CASK: variants seen among roughly 807,000 people sequenced by gnomAD.
CASK encodes the protein calcium/calmodulin dependent serine protein kinase, also known as peripheral plasma membrane protein CASK.
Under a neutral mutation model 82.9 loss-of-function variants are expected in CASK, and 4 were observed. The observed-to-expected ratio is 0.05, with a 90% confidence interval of 0.02 to 0.11. The LOEUF is 0.11. CASK is among the 10% of genes least tolerant of loss of function. The pLI, the probability that CASK is intolerant of heterozygous loss-of-function variation, is 1.00. For synonymous variants in CASK, 259 were observed against 253.5 expected (o/e 1.02, Z -0.20); for missense variants, 358 against 720.9 (o/e 0.50, Z 5.76).
chrX:41,704,652 T>C (rs2067856416), intron 5 of CASK, among the ~76,000 whole-genome samples: 1 of 112,210 alleles, frequency 8.9e-6, no homozygotes, highest in Non-Finnish European at 1.9e-5. Context: ...CGGATTATTA[T>C]GGTCCCATCA....
chrX:41,820,818 A>G (rs892906624), intron 2 of CASK, among the ~76,000 whole-genome samples: 1 of 111,308 alleles, frequency 9.0e-6, no homozygotes, highest in Non-Finnish European at 1.9e-5. Context: ...TGCAGAAAAT[A>G]GACCAACACA....
At chrX:41,822,135 A>C (rs1159103455) in intron 2 of CASK, among the ~76,000 whole-genome samples, 2 of 112,829 alleles carry the variant, frequency 1.8e-5, no homozygotes, top group Non-Finnish European at 3.7e-5. Context: ...GTAACATTAA[A>C]TTAAAATTAG....
At chrX:41,913,426 G>T (rs957172372) in intron 1 of CASK, among the ~76,000 whole-genome samples, 6 of 112,123 alleles carry the variant, frequency 5.4e-5, no homozygotes, top group Non-Finnish European at 7.5e-5. Context: ...CATAGATCAT[G>T]CTATTCAATC....
At chrX:41,887,048 A>G (rs1407736680) in intron 1 of CASK, among the ~76,000 whole-genome samples, 1 of 111,093 alleles carries the variant, frequency 9.0e-6, no homozygotes, top group Non-Finnish European at 1.9e-5. Context: ...ATTTATCTGT[A>G]AAGAGCTACC....
chrX:41,854,516 G>T (rs1409083338), intron 1 of CASK, among the ~76,000 whole-genome samples: 1 of 112,371 alleles, frequency 8.9e-6, no homozygotes, highest in African/African-American at 3.2e-5. Flanking sequence ...CTTATTACAG[G>T]TACAAACAGT....
chrX:41,589,389 A>G, intron 13 of CASK, 126 bp downstream of exon 13: 2 of 508,154 alleles, frequency 3.9e-6, no homozygotes, highest in Non-Finnish European at 7.0e-6. Flanking sequence ...TAGAAATACT[A>G]AATCTGAATA....
At chrX:41,812,164 G>A (rs1271309926) in intron 2 of CASK, among the ~76,000 whole-genome samples, 2 of 111,392 alleles carry the variant, frequency 1.8e-5, no homozygotes, top group Admixed American at 9.5e-5. Context: ...AGAGGTACAA[G>A]GAGGAACTGG....
chrX:41,550,662 T>C (rs1323389234), intron 21 of CASK, among the ~76,000 whole-genome samples: 1 of 107,249 alleles, frequency 9.3e-6, no homozygotes, highest in African/African-American at 3.4e-5. Context: ...TTTGGGAGGC[T>C]AAGGTGGAAG....
chrX:41,804,402 A>G (rs1165735355), intron 2 of CASK, among the ~76,000 whole-genome samples: 1 of 111,718 alleles, frequency 9.0e-6, no homozygotes, highest in African/African-American at 3.3e-5. Context: ...AGAATTCCCC[A>G]TGCCATATTG....
Position 41,520,206 on chromosome X carries a change from G to C in CASK, c.*214C>G. 2.7e-6 allele frequency: 1 copy of C among 374,507 alleles called. No individual in the cohort carries two copies. The highest frequency in any genetic ancestry group is 4.6e-6 in the Non-Finnish European group (1 of 215,190). 30.9% of individuals were successfully genotyped at this position (374,507 alleles called of 1,213,427 possible). On this transcript the variant is annotated 3_prime_UTR_variant, in exon 27 of 27. Coordinates refer to ENST00000378163, the MANE Select transcript of CASK (RefSeq NM_001367721.1). ...TAAAGATACATTTTATTAAAGTTTAGGAGAACTGATTAAAAAAGATACTGT... is the reference window on the plus strand; with the variant it reads ...TAAAGATACATTTTATTAAAGTTTACGAGAACTGATTAAAAAAGATACTGT...
intron 1 of CASK, among the ~76,000 whole-genome samples, chrX:41,908,564 A>C (rs2072509862): frequency 8.9e-6 from 1 of 112,224 alleles, no homozygotes; most frequent in Non-Finnish European, 1.9e-5. Flanking sequence ...ACAATCAGTG[A>C]GAAAAGGTCA....
At chrX:41,853,026 A>AC (rs1294150499) in intron 2 of CASK, 89 bp downstream of exon 2, 1 of 594,502 alleles carries the variant, frequency 1.7e-6, no homozygotes, top group Non-Finnish European at 2.9e-6. Context: ...CTGCTTCCCC[A>AC]CCCCCAGATG....
chrX:41,622,549 C>T (rs951014042), intron 11 of CASK, 68 bp downstream of exon 11: 32 of 934,695 alleles, frequency 3.4e-5, no homozygotes, highest in Non-Finnish European at 3.6e-5. Flanking sequence ...AAGCTGATTA[C>T]GAACCATGCA....
intron 5 of CASK, among the ~76,000 whole-genome samples, chrX:41,710,505 A>T (rs1299773921): frequency 8.9e-6 from 1 of 111,954 alleles, no homozygotes; most frequent in African/African-American, 3.3e-5. Flanking sequence ...AGCACACTCA[A>T]GCTTATATGA....
intron 1 of CASK, among the ~76,000 whole-genome samples, chrX:41,901,321 T>A (rs2072375885): frequency 9.1e-6 from 1 of 110,205 alleles, no homozygotes; most frequent in South Asian, 3.9e-4. Context: ...ATACAAATAT[T>A]AGCCAGGCCT....
At chrX:41,690,245 G>C (rs2067518832) in intron 5 of CASK, among the ~76,000 whole-genome samples, 1 of 110,545 alleles carries the variant, frequency 9.0e-6, no homozygotes, top group Admixed American at 9.6e-5. Context: ...TCAGTAAATA[G>C]CCTTATATAG....
At position 41,586,892 on chromosome X, in the gene CASK, T is replaced by G; in HGVS notation, c.1314+15A>C. 1 of 1,073,152 alleles carries G rather than the reference T, an allele frequency of 9.3e-7. No individual in the cohort carries two copies. The allele number at this position is 1,073,152 out of a possible 1,213,427, so 88.4% of individuals were successfully genotyped here. A position where few individuals can be genotyped will look rare whatever the true frequency, so the allele number is the denominator to read the frequency against. Reference sequence around the variant, plus strand: ...AGTGAGGTTTCAGTTCTATGGAAGTTTAATTATTACTTACCATGAAATGAG... The same window carrying G: ...AGTGAGGTTTCAGTTCTATGGAAGTGTAATTATTACTTACCATGAAATGAG... On this transcript the variant is annotated intron_variant, in intron 14 of 26. Transcript: ENST00000378163.
In CASK at chrX:41,641,840, C is replaced by T. The variant is rs183133145; in HGVS notation, c.832-5179G>A. Among the ~76,000 whole-genome samples, 489 of 109,544 alleles carry T rather than the reference C, an allele frequency of 4.5e-3. 1 individual carries two copies. Among genetic ancestry groups the T allele is most frequent in the African/African-American group, 0.014 (433 of 30,064 alleles). ...ATACATGTGCCATGTTGGTGTGCTG[C>T]ACCCATTAACTCGTCATTTACATTA... is the stretch of plus-strand genomic sequence containing the variant. On this transcript the variant is annotated intron_variant, in intron 8 of 26. Coordinates refer to ENST00000378163, the MANE Select transcript of CASK (RefSeq NM_001367721.1).
chrX:41,630,378 AC>A (rs1259610714), intron 9 of CASK, among the ~76,000 whole-genome samples: 4 of 111,901 alleles, frequency 3.6e-5, no homozygotes, highest in African/African-American at 1.3e-4. Flanking sequence ...TGACTTGAAG[AC>A]AAAAACCAAA....
Sources: gnomAD v4.1 joint callset for allele counts (sites outside exome capture counted in the v4.1 genomes callset) on GRCh38, gnomAD v4.1.1 for gene constraint, MANE v1.5 for transcripts, NCBI Gene and HGNC (gene_info 2026-07-23, HGNC 2026-07-21) for gene names.